CALN1: variants seen among roughly 807,000 people sequenced by gnomAD.
The protein encoded by CALN1 is calcium-binding protein 8.
Under a neutral mutation model 30.6 loss-of-function variants are expected in CALN1, and 17 were observed. The observed-to-expected ratio is 0.56, with a 90% CI of 0.38 to 0.83. The LOEUF (loss-of-function observed/expected upper bound fraction) is 0.83. CALN1 is among the 40% of genes least tolerant of loss of function. The pLI, the probability that CALN1 is intolerant of heterozygous loss-of-function variation, is 0.00. For missense variants in CALN1, 291 were observed against 354.9 expected, an observed-to-expected ratio of 0.82 and a Z score of 1.45; for synonymous variants, 156 against 131.4, an observed-to-expected ratio of 1.19 and a Z score of -1.28.
chr7:71,955,842 A>C (rs920123862), intron 5 of CALN1, among the ~76,000 whole-genome samples: 2 of 152,048 alleles, frequency 1.3e-5, no homozygotes, highest in African/African-American at 2.4e-5. Context: ...AGTCAGAAGT[A>C]GAATGTACTC....
chr7:72,080,060 C>T (rs773368827), intron 4 of CALN1, among the ~76,000 whole-genome samples: 22 of 151,824 alleles, frequency 1.4e-4, no homozygotes, highest in Non-Finnish European at 7.4e-5. Context: ...CGTAAGCCAC[C>T]GCACCTGGCC....
chr7:72,237,793 CAA>C (rs566227709), intron 3 of CALN1, among the ~76,000 whole-genome samples: 1 of 152,120 alleles, frequency 6.6e-6, no homozygotes, highest in Non-Finnish European at 1.5e-5. Context: ...TCTGGCTACT[CAA>C]GAGGAAATCT....
chr7:71,785,119 C>A lies in CALN1; in HGVS notation c.*2656G>T. The A allele has an allele frequency of 2.7e-6, 1 of 374,554 alleles. No homozygotes were observed. The highest frequency in any genetic ancestry group is 4.7e-6 in the Non-Finnish European group (1 of 211,348). The allele number at this position is 374,554 out of a possible 1,614,324, so 23.2% of individuals were successfully genotyped here. A position where few individuals can be genotyped will look rare whatever the true frequency, so the allele number is the denominator to read the frequency against. ...TCCCTGGGTGCCACATGGGGGGTTA[C>A]CACAGTGGGAAGATAACTCCTAGGC... On this transcript the variant is annotated 3_prime_UTR_variant, in exon 7 of 7. Transcript: ENST00000395275.
chr7:72,086,870 C>T (rs71551247), intron 4 of CALN1, among the ~76,000 whole-genome samples: 37,875 of 151,968 alleles, frequency 0.25, 5,711 homozygotes, highest in East Asian at 0.69. Context: ...TTTCAATTAT[C>T]GTAAATTCAA....
intron 2 of CALN1, among the ~76,000 whole-genome samples, chr7:72,312,394 G>GA (rs768174448): frequency 0.26 from 18,510 of 71,710 alleles, 2,325 homozygotes; most frequent in East Asian, 0.5. Flanking sequence ...CTTCATCTCA[G>GA]AAAAAAAAAA....
intron 5 of CALN1, among the ~76,000 whole-genome samples, chr7:71,887,625 A>C (rs1376710817): frequency 6.6e-6 from 1 of 152,158 alleles, no homozygotes; most frequent in East Asian, 1.9e-4. Flanking sequence ...GTTTTGGAAA[A>C]GAGCTCTGGT....
chr7:71,913,283 G>A (rs937571225), intron 5 of CALN1, among the ~76,000 whole-genome samples: 3 of 152,168 alleles, frequency 2.0e-5, no homozygotes, highest in Admixed American at 2.0e-4. Context: ...CTGTGCATTA[G>A]GTGAGTTCTC....
chr7:72,357,816 AT>A (rs1460798009), intron 2 of CALN1, among the ~76,000 whole-genome samples: 2 of 147,394 alleles, frequency 1.4e-5, no homozygotes, highest in African/African-American at 2.5e-5. Flanking sequence ...TATTTTATAT[AT>A]TTATATATAT....
chr7:72,315,103 T>C (rs1212135493), intron 2 of CALN1, among the ~76,000 whole-genome samples: 1 of 151,910 alleles, frequency 6.6e-6, no homozygotes, highest in African/African-American at 2.4e-5. Flanking sequence ...TGAGCTATGA[T>C]CGCACCACTG....
intron 2 of CALN1, among the ~76,000 whole-genome samples, chr7:72,357,049 C>T (rs1164488557): frequency 6.6e-6 from 1 of 151,896 alleles, no homozygotes; most frequent in Non-Finnish European, 1.5e-5. Context: ...TTTAAAACCT[C>T]CTCCCTGAAA....
At chr7:72,000,166 C>G (rs1179319579) in intron 5 of CALN1, among the ~76,000 whole-genome samples, 1 of 151,464 alleles carries the variant, frequency 6.6e-6, no homozygotes, top group Non-Finnish European at 1.5e-5. Flanking sequence ...TGGAAAGAAG[C>G]AAATAGTAAG....
chr7:72,243,270 A>AG (rs1283414905), intron 3 of CALN1, among the ~76,000 whole-genome samples: 6 of 152,316 alleles, frequency 3.9e-5, no homozygotes, highest in Admixed American at 3.3e-4. Flanking sequence ...CCAGGAAGAG[A>AG]GCCCTCAAGA....
At chr7:72,317,062 G>GAGAGAGACAC (rs1554367020) in intron 2 of CALN1, among the ~76,000 whole-genome samples, 2 of 98,560 alleles carry the variant, frequency 2.0e-5, no homozygotes, top group Non-Finnish European at 2.0e-5. Context: ...AAGAGAGAGA[G>GAGAGAGACAC]AGAAAGAGAG....
chr7:72,394,940 G>A (rs1376812144), intron 2 of CALN1, among the ~76,000 whole-genome samples: 2 of 152,136 alleles, frequency 1.3e-5, no homozygotes, highest in Non-Finnish European at 2.9e-5. Flanking sequence ...TTACAGGCAT[G>A]AGCCATCGTG....
intron 6 of CALN1, among the ~76,000 whole-genome samples, chr7:71,794,842 G>A (rs12673645): frequency 0.15 from 22,757 of 151,988 alleles, 2,359 homozygotes; most frequent in East Asian, 0.44. Context: ...TTCCTGCAAA[G>A]GCCCCCGCTG....
intron 6 of CALN1, among the ~76,000 whole-genome samples, chr7:71,802,821 G>A (rs1787385501): frequency 6.6e-6 from 1 of 152,100 alleles, no homozygotes; most frequent in Admixed American, 6.5e-5. Flanking sequence ...TCAGGAGTTG[G>A]AGACCAGCCT....
the CALN1 span, among the ~76,000 whole-genome samples, chr7:72,474,442 T>C: frequency 6.6e-6 from 1 of 151,922 alleles, no homozygotes; most frequent in East Asian, 1.9e-4. Flanking sequence ...TCCCGGCACT[T>C]TGGGAGGCTG....
At chr7:72,403,570 C>T in intron 1 of CALN1, 128 bp from the exon 2 acceptor site, 1 of 456,966 alleles carries the variant, frequency 2.2e-6, no homozygotes, top group South Asian at 6.2e-5. Context: ...AAACACAATC[C>T]TGGCACAAGA....
intron 3 of CALN1, among the ~76,000 whole-genome samples, chr7:72,180,409 C>T (rs1789681293): frequency 6.6e-6 from 1 of 151,976 alleles, no homozygotes. Context: ...TCTTTCATCA[C>T]AGAGCCTTGC....
Sources: allele counts gnomAD v4.1 joint callset (sites outside exome capture counted in the v4.1 genomes callset), GRCh38; gene constraint gnomAD v4.1.1; transcripts MANE v1.5; gene names NCBI Gene and HGNC (gene_info 2026-07-23, HGNC 2026-07-21).